The following ADARB1 variants were observed in gnomAD, a reference collection of about 807,000 sequenced individuals.
The protein encoded by ADARB1 is adenosine deaminase RNA specific B1.
Under a neutral mutation model 52.4 loss-of-function variants are expected in ADARB1, and 10 were observed. That is an observed-to-expected ratio of 0.19 (90% CI 0.12 to 0.32). The LOEUF is 0.32. Ranked by LOEUF, ADARB1 falls within the 10% of genes least tolerant of loss-of-function variation. The pLI, the probability that ADARB1 is intolerant of heterozygous loss-of-function variation, is 1.00. For synonymous variants in ADARB1, 349 were observed against 371.1 expected, an observed-to-expected ratio of 0.94 and a Z score of 0.68; for missense variants, 643 against 922.3, an observed-to-expected ratio of 0.70 and a Z score of 3.92.
chr21:45,143,501 C>T (rs888339107), intron 2 of ADARB1, among the ~76,000 whole-genome samples: 2 of 152,210 alleles, frequency 1.3e-5, no homozygotes, highest in Admixed American at 1.3e-4. Flanking sequence ...CCTACTCTGG[C>T]CTGAGTGTTC....
At chr21:45,191,880 ATTTTTTTTTTTTTTT>A (rs777269104) in intron 8 of ADARB1, among the ~76,000 whole-genome samples, 269 of 15,546 alleles carry the variant, frequency 0.017, 2 homozygotes, top group Admixed American at 0.033. Context: ...ATATATATAT[ATTTTTTTTTTTTTTT>A]TTTTTTTTTT....
chr21:45,151,214 A>T (rs1232791917), intron 2 of ADARB1, among the ~76,000 whole-genome samples: 2 of 152,232 alleles, frequency 1.3e-5, no homozygotes, highest in Non-Finnish European at 2.9e-5. Context: ...CGCTACTAGG[A>T]GAAAGTGCAG....
chr21:45,192,993 T>C (rs2092339512), intron 8 of ADARB1, among the ~76,000 whole-genome samples: 1 of 152,198 alleles, frequency 6.6e-6, no homozygotes, highest in Non-Finnish European at 1.5e-5. Flanking sequence ...CTCAGATGGC[T>C]TCACTATTGA....
chr21:45,140,718 C>G (rs2089676111), intron 2 of ADARB1, among the ~76,000 whole-genome samples: 1 of 152,140 alleles, frequency 6.6e-6, no homozygotes, highest in South Asian at 2.1e-4. Flanking sequence ...TTCATTTTTA[C>G]CATTTAGAGG....
In ADARB1 at chr21:45,114,819, T is replaced by C. The variant is rs555205974; in HGVS notation, c.-219-13583T>C. 3.4e-3 allele frequency among the ~76,000 whole-genome samples: 517 copies of C among 152,340 alleles called. 1 individual carries two copies. The highest frequency in any genetic ancestry group is 5.9e-3 in the Non-Finnish European group (403 of 68,016). Reference sequence around the variant, plus strand: ...GCAGGCACTGTTACTAACCTTCTCCTGCCAGAGGGAACGCTTGAGATGCTG... The same window carrying C: ...GCAGGCACTGTTACTAACCTTCTCCCGCCAGAGGGAACGCTTGAGATGCTG... On this transcript the variant is annotated intron_variant, in intron 1 of 10. Transcript: ENST00000348831.
intron 8 of ADARB1, among the ~76,000 whole-genome samples, chr21:45,194,069 T>A (rs1332013868): frequency 6.6e-6 from 1 of 152,218 alleles, no homozygotes; most frequent in Non-Finnish European, 1.5e-5. Flanking sequence ...ACTACCTGAT[T>A]TCAAGATAGT....
chr21:45,173,252 T>G (rs936270451), intron 3 of ADARB1, among the ~76,000 whole-genome samples: 1 of 152,222 alleles, frequency 6.6e-6, no homozygotes, highest in African/African-American at 2.4e-5. Flanking sequence ...ATTTGTATCA[T>G]TTTGAAAGCA....
intron 2 of ADARB1, among the ~76,000 whole-genome samples, chr21:45,158,477 G>T (rs1483932503): frequency 6.6e-6 from 1 of 152,158 alleles, no homozygotes; most frequent in African/African-American, 2.4e-5. Context: ...ATAATAGGAT[G>T]GAATAAATGC....
Position 45,176,667 on chromosome 21 carries a change from G to A in ADARB1, c.963+3G>A. ...GTCTTCAGCTGCATTTACCGCAGGTGAGGAACTATGCTGCTGCTTTAAAAC... is the reference window on the plus strand; with the variant it reads ...GTCTTCAGCTGCATTTACCGCAGGTAAGGAACTATGCTGCTGCTTTAAAAC... On this transcript the variant is annotated splice_donor_region_variant and intron_variant, in intron 4 of 10. Transcript: ENST00000348831. The surrounding 1 kb of genome is among the most constrained non-coding windows in gnomAD (Gnocchi z 5.8). The A allele has an allele frequency of 6.2e-7, 1 of 1,600,772 alleles. No individual in the cohort carries two copies. The highest frequency in any genetic ancestry group is 8.5e-7 in the Non-Finnish European group (1 of 1,173,460).
At chr21:45,168,346 CT>C (rs2091337820) in intron 2 of ADARB1, among the ~76,000 whole-genome samples, 1 of 152,012 alleles carries the variant, frequency 6.6e-6, no homozygotes, top group African/African-American at 2.4e-5. Flanking sequence ...TCAGTTGTTT[CT>C]TTTGTGGATT....
At chr21:45,138,821 C>T (rs777974288) in intron 2 of ADARB1, among the ~76,000 whole-genome samples, 4 of 151,954 alleles carry the variant, frequency 2.6e-5, no homozygotes, top group South Asian at 4.2e-4. Context: ...GGGCCCTGGG[C>T]GGCCTCTCAG....
At chr21:45,090,579 C>T (rs1166244592) in intron 1 of ADARB1, among the ~76,000 whole-genome samples, 1 of 152,100 alleles carries the variant, frequency 6.6e-6, no homozygotes. Flanking sequence ...AGTCTTCTCT[C>T]ATGAACAGGT....
At chr21:45,156,692 T>A (rs1315814085) in intron 2 of ADARB1, among the ~76,000 whole-genome samples, 1 of 152,110 alleles carries the variant, frequency 6.6e-6, no homozygotes, top group East Asian at 1.9e-4. Flanking sequence ...CTTCTCTACA[T>A]TGTTCCGTTC....
intron 2 of ADARB1, among the ~76,000 whole-genome samples, chr21:45,155,271 T>A (rs1356907108): frequency 6.6e-6 from 1 of 152,110 alleles, no homozygotes; most frequent in Non-Finnish European, 1.5e-5. Context: ...CTGCTCCCCC[T>A]GAGTACTTCT....
intron 9 of ADARB1, among the ~76,000 whole-genome samples, chr21:45,206,560 CTTTTTTTTTTTTTT>C (rs71199660): frequency 2.4e-4 from 13 of 54,960 alleles, no homozygotes; most frequent in East Asian, 2.0e-3. Flanking sequence ...CTTCTCTGGT[CTTTTTTTTTTTTTT>C]TTTTTTTTTT....
chr21:45,169,467 T>C (rs1331296688), intron 2 of ADARB1, among the ~76,000 whole-genome samples: 1 of 152,200 alleles, frequency 6.6e-6, no homozygotes, highest in Non-Finnish European at 1.5e-5. Flanking sequence ...CTGCTGATGT[T>C]TCTGGCTTCC....
intron 9 of ADARB1, among the ~76,000 whole-genome samples, chr21:45,210,318 A>T (rs1197619497): frequency 6.6e-6 from 1 of 152,202 alleles, no homozygotes; most frequent in East Asian, 1.9e-4. Flanking sequence ...GTTGTTACGG[A>T]CACGGTGATA....
chr21:45,124,462 C>A (rs2088430059), intron 1 of ADARB1, among the ~76,000 whole-genome samples: 1 of 152,144 alleles, frequency 6.6e-6, no homozygotes, highest in Admixed American at 6.6e-5. Flanking sequence ...GCAGCCTCTG[C>A]CTCCTGGGCT....
chr21:45,110,263 A>C (rs1463893399), intron 1 of ADARB1, among the ~76,000 whole-genome samples: 1 of 152,220 alleles, frequency 6.6e-6, no homozygotes, highest in Admixed American at 6.5e-5. Context: ...TAGCATGTTT[A>C]GCGTTTTCCA....
Sources: allele counts gnomAD v4.1 joint callset (sites outside exome capture counted in the v4.1 genomes callset), GRCh38; gene constraint gnomAD v4.1.1; non-coding constraint Gnocchi (gnomAD v3.1); transcripts MANE v1.5; gene names NCBI Gene and HGNC (gene_info 2026-07-23, HGNC 2026-07-21).